TAB3: variants seen among roughly 807,000 people sequenced by gnomAD.
TAB3 encodes TGF-beta activated kinase 1 (MAP3K7) binding protein 3.
A neutral mutation model predicts 48.1 loss-of-function variants in TAB3; 18 were observed. That is an observed-to-expected ratio of 0.37 (90% CI 0.26 to 0.55). The LOEUF (loss-of-function observed/expected upper bound fraction) is 0.55. Ranked by LOEUF, TAB3 falls within the 20% of genes least tolerant of loss-of-function variation. The probability of loss-of-function intolerance (pLI) is 0.78; values close to 1 mark genes in which losing one functional copy is unlikely to be tolerated. For missense variants in TAB3, 414 were observed against 549.8 expected, an observed-to-expected ratio of 0.75 and a Z score of 2.47; for synonymous variants, 185 against 190.2, an observed-to-expected ratio of 0.97 and a Z score of 0.22.
At chrX:30,873,511 C>T (rs1014061237) in intron 1 of TAB3, among the ~76,000 whole-genome samples, 3 of 97,601 alleles carry the variant, frequency 3.1e-5, no homozygotes, top group Non-Finnish European at 6.1e-5. Context: ...GGCGACAGAA[C>T]GAGACTCCGT....
rs1569206280 is a variant in TAB3, at chrX:30,843,039, A to T, written c.1815T>A (p.Asp605Glu). The T allele has an allele frequency of 8.7e-7, 1 of 1,151,465 alleles. No homozygotes were observed. Among genetic ancestry groups the T allele is most frequent in the East Asian group, 3.1e-5 (1 of 32,657 alleles). The allele number at this position is 1,151,465 out of a possible 1,213,427, so 94.9% of individuals were successfully genotyped here. A position where few individuals can be genotyped will look rare whatever the true frequency, so the allele number is the denominator to read the frequency against. ...CATAAAAATTATTCATGGCTTTTGG[A>T]TCAAAGTTTCCTATAAAGAAAGTAA... ...VDLLQSRGNF[D>E]PKAMNNFYDN... The change falls in exon 9 of 11, where the codon GAT becomes GAA. Residue 605 changes from aspartate to glutamate, a missense_variant. Transcript: ENST00000288422.
At chrX:30,884,368 G>A (rs1350897630) in intron 1 of TAB3, among the ~76,000 whole-genome samples, 1 of 111,376 alleles carries the variant, frequency 9.0e-6, no homozygotes, top group Non-Finnish European at 1.9e-5. Context: ...CTTGTATGAG[G>A]TAGGTACCAC....
intron 4 of TAB3, among the ~76,000 whole-genome samples, chrX:30,862,089 G>A (rs1939266617): frequency 8.9e-6 from 1 of 111,814 alleles, no homozygotes; most frequent in African/African-American, 3.3e-5. Context: ...TCCTTTGAGG[G>A]TATACAATCG....
intron 9 of TAB3, among the ~76,000 whole-genome samples, chrX:30,839,449 T>C (rs938508986): frequency 8.9e-6 from 1 of 111,968 alleles, no homozygotes; most frequent in Admixed American, 9.5e-5. Flanking sequence ...ATGAAGTTTA[T>C]TGATCTGAAA....
chrX:30,833,560 G>A (rs771649060), intron 10 of TAB3, among the ~76,000 whole-genome samples: 14 of 110,424 alleles, frequency 1.3e-4, no homozygotes, highest in East Asian at 5.7e-4. Flanking sequence ...GGCCAGGCAC[G>A]GTGGCTCACG....
chrX:30,845,578 C>G (rs1333532293), intron 8 of TAB3: 1 of 113,812 alleles, frequency 8.8e-6, no homozygotes, highest in Non-Finnish European at 1.8e-5. Flanking sequence ...TATCGCTCCA[C>G]TAAAACTTTT....
Position 30,827,596 on chromosome X carries a change from G to A in TAB3, c.*3831C>T, listed in dbSNP as rs1310590232. The A allele has an allele frequency of 8.9e-6, 1 of 112,662 alleles. No homozygotes were observed. Among genetic ancestry groups the A allele is most frequent in the Non-Finnish European group, 1.9e-5 (1 of 53,292 alleles). The allele number at this position is 112,662 out of a possible 1,213,427, so 9.3% of individuals were successfully genotyped here. A position where few individuals can be genotyped will look rare whatever the true frequency, so the allele number is the denominator to read the frequency against. ...TCACAGCATACACAGAAATCTAAAAGAGACATGGTATTTACAAGATTTAAT... is the reference window on the plus strand; with the variant it reads ...TCACAGCATACACAGAAATCTAAAAAAGACATGGTATTTACAAGATTTAAT... On this transcript the variant is annotated 3_prime_UTR_variant, in exon 11 of 11. Coordinates refer to ENST00000288422, the MANE Select transcript of TAB3 (RefSeq NM_152787.5).
intron 8 of TAB3, chrX:30,845,907 G>T: frequency 1.2e-6 from 1 of 856,182 alleles, no homozygotes; most frequent in Non-Finnish European, 1.5e-6. Flanking sequence ...CAATTCAACC[G>T]ATGGGAGCAA....
chrX:30,834,144 C>A lies in TAB3; in HGVS notation c.1897G>T (p.Asp633Tyr). The A allele has an allele frequency of 3.3e-6, 4 of 1,208,376 alleles. No individual in the cohort carries two copies. Among genetic ancestry groups the A allele is most frequent in the Non-Finnish European group, 4.5e-6 (4 of 893,226 alleles). Residue 633 changes from aspartate to tyrosine, a missense_variant, in exon 10 of 11, where the codon GAC (aspartate) becomes TAC (tyrosine). Coordinates refer to ENST00000288422, the MANE Select transcript of TAB3 (RefSeq NM_152787.5). ...PPKPSKKDSS[D>Y]PCTIERKARR... ...GCTTTTCTCTCAATTGTGCAGGGGT[C>A]TGAGGAGTCTGCATAAAAATAAACA...
intron 1 of TAB3, among the ~76,000 whole-genome samples, chrX:30,874,192 A>T (rs966856714): frequency 5.4e-5 from 6 of 111,521 alleles, no homozygotes; most frequent in Non-Finnish European, 9.4e-5. Context: ...TAACAACAAC[A>T]ACAACAAAAG....
At chrX:30,876,442 A>C (rs1344868522) in intron 1 of TAB3, among the ~76,000 whole-genome samples, 1 of 112,328 alleles carries the variant, frequency 8.9e-6, no homozygotes, top group East Asian at 2.8e-4. Flanking sequence ...TGCTATGTTC[A>C]AGGAGATGAA....
At chrX:30,833,705 C>T (rs918724823) in intron 10 of TAB3, among the ~76,000 whole-genome samples, 2 of 108,655 alleles carry the variant, frequency 1.8e-5, no homozygotes, top group Non-Finnish European at 3.8e-5. Flanking sequence ...GTGGCAGGCA[C>T]CTGTAGTCCC....
In TAB3 at chrX:30,863,738, C is replaced by T. The variant is rs751448978; in HGVS notation, c.-91+3377G>A. Among the ~76,000 whole-genome samples, 7 of 112,250 alleles carry T rather than the reference C, an allele frequency of 6.2e-5. No homozygotes were observed. In the East Asian group the frequency reaches 1.7e-3, roughly 27 times the overall value. On this transcript the variant is annotated intron_variant, in intron 4 of 10. Coordinates refer to ENST00000288422, the MANE Select transcript of TAB3 (RefSeq NM_152787.5). ...CCTGTAGAATCCTGAGCCAATTAAA[C>T]CTCTTTTCTTTATAAATTACCCTGC...
rs762778313 is a variant in TAB3 at position 30,857,754 on chromosome X, C to T, written c.102+1733G>A. On this transcript the variant is annotated intron_variant, in intron 5 of 10. Coordinates refer to ENST00000288422, the MANE Select transcript of TAB3 (RefSeq NM_152787.5). ...AGAAGTACTGTACAAAGAAAACTAC[C>T]AGAATAGATTCTAATGTCACATTTG... Among the ~76,000 whole-genome samples, 5 of 111,425 alleles carry T rather than the reference C, an allele frequency of 4.5e-5. No individual in the cohort carries two copies. In the South Asian group the frequency reaches 1.8e-3, roughly 41 times the overall value.
At chrX:30,833,798 T>C (rs749874745) in intron 10 of TAB3, among the ~76,000 whole-genome samples, 1 of 87,973 alleles carries the variant, frequency 1.1e-5, no homozygotes, top group East Asian at 3.5e-4. Context: ...GCCACTGCAC[T>C]CCAGCCTGGC....
At chrX:30,847,796 T>A (rs1035110717) in intron 7 of TAB3, among the ~76,000 whole-genome samples, 1 of 111,379 alleles carries the variant, frequency 9.0e-6, no homozygotes, top group Non-Finnish European at 1.9e-5. Flanking sequence ...TCAGAGTAAC[T>A]GAGAATGCCC....
At chrX:30,839,691 C>T (rs1326805951) in intron 9 of TAB3, among the ~76,000 whole-genome samples, 3 of 109,303 alleles carry the variant, frequency 2.7e-5, no homozygotes, top group Admixed American at 9.9e-5. Flanking sequence ...GGAAAATCTC[C>T]GCAACTTCCT....
At chrX:30,888,590 A>C (rs984235642) in intron 1 of TAB3, among the ~76,000 whole-genome samples, 2 of 112,362 alleles carry the variant, frequency 1.8e-5, no homozygotes, top group African/African-American at 6.5e-5. Context: ...CGATCTTTAA[A>C]GGAAAGCAGT....
intron 4 of TAB3, among the ~76,000 whole-genome samples, chrX:30,866,331 T>C (rs1939401845): frequency 9.0e-6 from 1 of 110,617 alleles, no homozygotes. Flanking sequence ...TGAGAGGACA[T>C]AGAGGCAACA....
Sources: gnomAD v4.1 joint callset for allele counts (sites outside exome capture counted in the v4.1 genomes callset) on GRCh38, gnomAD v4.1.1 for gene constraint, MANE v1.5 for transcripts, NCBI Gene and HGNC (gene_info 2026-07-23, HGNC 2026-07-21) for gene names.